Variants in OSBPL5 observed in about 807,000 individuals in gnomAD.
OSBPL5 encodes the protein oxysterol-binding protein-related protein 5.
In OSBPL5, 71 loss-of-function variants were observed where a neutral mutation model predicts 111.2. The observed-to-expected ratio is 0.64, with a 90% CI of 0.53 to 0.78. The LOEUF (loss-of-function observed/expected upper bound fraction) is 0.78. OSBPL5 is among the 30% of genes least tolerant of loss of function. The pLI, the probability that OSBPL5 is intolerant of heterozygous loss-of-function variation, is 0.00. For missense variants in OSBPL5, 1,210 were observed against 1,189.3 expected (o/e 1.02, Z -0.26); for synonymous variants, 549 against 513.9 (o/e 1.07, Z -0.93).
In OSBPL5 at chr11:3,129,140, C is replaced by T. The variant is rs773466259; in HGVS notation, c.9G>A (p.Glu3=). The T allele has an allele frequency of 1.4e-6, 2 of 1,460,486 alleles. No homozygotes were observed. The highest frequency in any genetic ancestry group is 1.4e-5 in the South Asian group (1 of 72,654). 90.5% of individuals were successfully genotyped at this position (1,460,486 alleles called of 1,614,324 possible). MK[E]EAFLRRRFSL... is the part of the protein sequence containing the mutation. ...AGAAGCGGCGCCGGAGGAAGGCCTC[C>T]TCCTTCATGCTGTGGGCGCTCGGGG... Residue 3 remains glutamate, a synonymous_variant, in exon 2 of 22, where the codon GAG becomes GAA. Transcript: ENST00000263650.
rs542179638 is a variant in OSBPL5 at position 3,110,087 on chromosome 11, G to A, written c.692-2142C>T. 6.6e-6 allele frequency among the ~76,000 whole-genome samples: 1 copy of A among 152,304 alleles called. No homozygotes were observed. Among genetic ancestry groups the A allele is most frequent in the Non-Finnish European group, 1.5e-5 (1 of 68,024 alleles). On this transcript the variant is annotated intron_variant, in intron 7 of 21. Coordinates refer to ENST00000263650, the MANE Select transcript of OSBPL5 (RefSeq NM_020896.4). The surrounding 1 kb of genome is among the most constrained non-coding windows in gnomAD (Gnocchi z 5.3). Reference sequence around the variant, plus strand: ...ACCTGGCACATAGTGGGGCACTCAGGATGGCCCAGGAAGGAGCATGGATGT... The same window carrying A: ...ACCTGGCACATAGTGGGGCACTCAGAATGGCCCAGGAAGGAGCATGGATGT...
chr11:3,136,772 G>A (rs1204693840), intron 1 of OSBPL5, among the ~76,000 whole-genome samples: 1 of 152,228 alleles, frequency 6.6e-6, no homozygotes, highest in African/African-American at 2.4e-5. Flanking sequence ...CAGAGTGACA[G>A]GGCTGGGCCG....
intron 1 of OSBPL5, among the ~76,000 whole-genome samples, chr11:3,133,297 G>A (rs181477699): frequency 3.7e-4 from 57 of 152,254 alleles, no homozygotes; most frequent in Non-Finnish European, 7.2e-4. Context: ...CCCCCCATGA[G>A]GGGAGGGAGA....
In OSBPL5 at chr11:3,124,443, G is replaced by T. The variant is rs116476651; in HGVS notation, c.220-2015C>A. Among the ~76,000 whole-genome samples, 93 of 152,292 alleles carry T rather than the reference G, an allele frequency of 6.1e-4. 1 individual carries two copies. Among genetic ancestry groups the T allele is most frequent in the African/African-American group, 2.2e-3 (90 of 41,554 alleles). The stretch of plus-strand genomic sequence containing the variant: ...AGGGACCCAGGCTGGCAGAGAAGGT[G>T]TCCTAAGTTGCCCTCCTGGGAGTCC... On this transcript the variant is annotated intron_variant, in intron 3 of 21. Coordinates refer to ENST00000263650, the MANE Select transcript of OSBPL5 (RefSeq NM_020896.4).
chr11:3,122,292 A>T, intron 4 of OSBPL5, 56 bp downstream of exon 4: 1 of 1,563,994 alleles, frequency 6.4e-7, no homozygotes, highest in Non-Finnish European at 8.7e-7. Flanking sequence ...TCCCTGGCTC[A>T]GGTGGCCGTC....
chr11:3,159,229 G>A (rs1340259477), intron 1 of OSBPL5, among the ~76,000 whole-genome samples: 3 of 152,144 alleles, frequency 2.0e-5, no homozygotes, highest in Non-Finnish European at 4.4e-5. Context: ...AGGCGGGCGC[G>A]GGGAAGAGGT....
At chr11:3,143,174 C>A (rs1846193184) in intron 1 of OSBPL5, among the ~76,000 whole-genome samples, 2 of 95,642 alleles carry the variant, frequency 2.1e-5, no homozygotes, top group Admixed American at 2.6e-4. Context: ...GCAGAGGAGG[C>A]AGGTGCAGAG....
intron 1 of OSBPL5, among the ~76,000 whole-genome samples, chr11:3,147,367 C>T (rs1846391492): frequency 6.6e-6 from 1 of 152,236 alleles, no homozygotes; most frequent in Non-Finnish European, 1.5e-5. Context: ...GCTGGCCGAC[C>T]TGGCTTGACC....
At chr11:3,156,552 G>A (rs1343088542) in intron 1 of OSBPL5, among the ~76,000 whole-genome samples, 2 of 151,986 alleles carry the variant, frequency 1.3e-5, no homozygotes, top group Admixed American at 6.5e-5. Context: ...GGAAAGAATC[G>A]AGCTCTGGGG....
intron 1 of OSBPL5, among the ~76,000 whole-genome samples, chr11:3,137,070 T>A (rs1867911): frequency 0.49 from 74,766 of 152,146 alleles, 20,052 homozygotes; most frequent in Non-Finnish European, 0.61. Context: ...GCAGCCATCA[T>A]GTCAACACCA....
chr11:3,091,855 G>A (rs1857064904), intron 19 of OSBPL5, among the ~76,000 whole-genome samples: 1 of 152,160 alleles, frequency 6.6e-6, no homozygotes, highest in Non-Finnish European at 1.5e-5. Flanking sequence ...CGCTGCGGGT[G>A]AGCACCGGCC....
chr11:3,089,869 T>G lies in OSBPL5; in HGVS notation c.2478A>C (p.Arg826=). The G allele has an allele frequency of 6.4e-7, 1 of 1,563,848 alleles. No individual in the cohort carries two copies. The highest frequency in any genetic ancestry group is 2.4e-5 in the East Asian group (1 of 41,948). Residue 826 remains arginine, a synonymous_variant, in exon 21 of 22, where the codon CGA becomes CGC. Transcript: ENST00000263650. ...ACCTGTGCAGCTCCTGCTGGGCCTC[T>G]CGGATGGAGAGGATGGCCTCGTGCA... The part of the protein sequence containing the change: ...QALHEAILSI[R]EAQQELHRHL...
intron 1 of OSBPL5, among the ~76,000 whole-genome samples, chr11:3,134,318 G>A (rs11025555): frequency 0.49 from 74,364 of 152,128 alleles, 19,701 homozygotes; most frequent in Non-Finnish European, 0.6. Flanking sequence ...CAGCAGGCAC[G>A]ACTTCCATTG....
chr11:3,092,465 G>T lies in OSBPL5; in HGVS notation c.2226C>A (p.Thr742=). ...TLQQEAVARQ[T]TFLGSPGPRH... ...TGGGCCCTGGGCTGCCCAGGAAGGT[G>T]GTCTGGCGGGCCACGGCCTCCTGCT... Residue 742 remains threonine (T), a synonymous_variant, in exon 19 of 22, where the codon ACC becomes ACA. Coordinates refer to ENST00000263650, the MANE Select transcript of OSBPL5 (RefSeq NM_020896.4). The surrounding 1 kb of genome is among the most constrained non-coding windows in gnomAD (Gnocchi z 5.4). 1 of 1,577,458 alleles carries T rather than the reference G, an allele frequency of 6.3e-7. No homozygotes were observed.
At position 3,129,171 on chromosome 11, in the gene OSBPL5, TGGAA is replaced by T. The variant is rs1412184606; in HGVS notation, c.-21-6_-21-3del. The T allele has an allele frequency of 1.2e-5, 17 of 1,379,370 alleles. No homozygotes were observed. Among genetic ancestry groups the T allele is most frequent in the South Asian group, 8.4e-5 (5 of 59,380 alleles). 85.4% of individuals were successfully genotyped at this position (1,379,370 alleles called of 1,614,324 possible). ...CATGCTGTGGGCGCTCGGGGGCTTC[TGGAA>T]GGAAGGAAGGAGGGGCAGCAGGAGG... is the stretch of plus-strand genomic sequence containing the variant. On this transcript the variant is annotated splice_polypyrimidine_tract_variant and splice_region_variant and intron_variant, in intron 1 of 21. Coordinates refer to ENST00000263650, the MANE Select transcript of OSBPL5 (RefSeq NM_020896.4).
intron 11 of OSBPL5, 88 bp from the exon 12 acceptor site, chr11:3,102,369 C>A: frequency 8.0e-7 from 1 of 1,243,660 alleles, no homozygotes; most frequent in Non-Finnish European, 1.2e-6. Context: ...GGAGGGGCAG[C>A]GTGGGTGGGC....
intron 1 of OSBPL5, among the ~76,000 whole-genome samples, chr11:3,153,300 C>A (rs374071728): frequency 2.7e-4 from 41 of 152,314 alleles, no homozygotes; most frequent in South Asian, 1.0e-3. Flanking sequence ...TAATCATTAT[C>A]AAAATTAGCT....
chr11:3,094,213 C>T (rs750579477), intron 15 of OSBPL5, 24 bp downstream of exon 15: 91 of 1,606,656 alleles, frequency 5.7e-5, no homozygotes, highest in South Asian at 1.0e-4. Context: ...GGCCTCGTCT[C>T]CCCCAGGCTG....
At position 3,094,299 on chromosome 11, in the gene OSBPL5, C is replaced by A. The variant is rs1564822679; in HGVS notation, c.1657G>T (p.Gly553Trp). Residue 553 changes from glycine to tryptophan, a missense_variant, in exon 15 of 22, where the codon GGG becomes TGG. Physicochemically the swap from Gly to Trp is radical, Grantham distance 184. Coordinates refer to ENST00000263650, the MANE Select transcript of OSBPL5 (RefSeq NM_020896.4). ...TTCGCACACTCGATGGTGACCTTCCCACCCAGCTCCAGGGTCATCGTGCCA... is the reference window on the plus strand; with the variant it reads ...TTCGCACACTCGATGGTGACCTTCCAACCCAGCTCCAGGGTCATCGTGCCA... ...LYGTMTLELG[G>W]KVTIECAKNN... is the part of the protein sequence containing the mutation. 6.2e-7 allele frequency: 1 copy of A among 1,613,588 alleles called. No homozygotes were observed. The highest frequency in any genetic ancestry group is 1.1e-5 in the South Asian group (1 of 91,088).
Sources: gnomAD v4.1 joint callset for allele counts (sites outside exome capture counted in the v4.1 genomes callset) on GRCh38, gnomAD v4.1.1 for gene constraint, Gnocchi (gnomAD v3.1) non-coding constraint, MANE v1.5 for transcripts, NCBI Gene and HGNC (gene_info 2026-07-23, HGNC 2026-07-21) for gene names.